The following PCTP variants were observed in gnomAD, a reference collection of about 807,000 sequenced individuals.
PCTP encodes the protein START domain-containing protein 2.
A neutral mutation model predicts 31.0 loss-of-function variants in PCTP; 27 were observed. The ratio of observed to expected loss-of-function variants is 0.87; its 90% CI spans 0.64 to 1.20. The LOEUF (loss-of-function observed/expected upper bound fraction) is 1.20. PCTP is among the 50% of genes most tolerant of loss of function. PCTP has a pLI of 0.00. For missense variants in PCTP, 287 were observed against 268.2 expected (o/e 1.07, Z -0.49); for synonymous variants, 108 against 101.2 (o/e 1.07, Z -0.40).
At chr17:55,775,582 A>G in intron 5 of PCTP, 2 of 1,172,210 alleles carry the variant, frequency 1.7e-6, no homozygotes, top group Non-Finnish European at 2.1e-6. Context: ...AGGGGGAGTA[A>G]ATAAGACAAT....
At chr17:55,774,704 T>C (rs2144970419) in intron 4 of PCTP, 88 bp from the exon 5 acceptor site, 1 of 1,070,616 alleles carries the variant, frequency 9.3e-7, no homozygotes. Context: ...TGAGCTTGAA[T>C]ATGAAGATAT....
intron 3 of PCTP, among the ~76,000 whole-genome samples, chr17:55,795,039 C>T (rs902874887): frequency 1.3e-5 from 2 of 151,966 alleles, no homozygotes; most frequent in Admixed American, 1.3e-4. Flanking sequence ...GAATTCTACC[C>T]AATTCCACAC....
chr17:55,830,100 G>A (rs2145077611), intron 5 of PCTP, among the ~76,000 whole-genome samples: 1 of 152,262 alleles, frequency 6.6e-6, no homozygotes, highest in South Asian at 2.1e-4. Flanking sequence ...TGTACAATAT[G>A]AACCCCCTGG....
chr17:55,769,204 C>T (rs1910849362), intron 2 of PCTP: 1 of 152,234 alleles, frequency 6.6e-6, no homozygotes, highest in Non-Finnish European at 1.5e-5. Flanking sequence ...GAGAATTCTA[C>T]TTTTCTAGGG....
chr17:55,841,101 CAG>C (rs1318350248), intron 5 of PCTP, among the ~76,000 whole-genome samples: 1 of 152,108 alleles, frequency 6.6e-6, no homozygotes, highest in Non-Finnish European at 1.5e-5. Flanking sequence ...TTGCAAGAGA[CAG>C]AGACAGAAAC....
intron 5 of PCTP, among the ~76,000 whole-genome samples, chr17:55,829,589 C>T (rs1490662578): frequency 6.6e-6 from 1 of 152,068 alleles, no homozygotes. Context: ...GGATTATAAG[C>T]TTGAGCCACT....
At chr17:55,827,834 G>GAGTC (rs1905453768), downstream of PCTP, among the ~76,000 whole-genome samples, 2 of 150,688 alleles carry the variant, frequency 1.3e-5, no homozygotes, top group Non-Finnish European at 1.5e-5. Flanking sequence ...AAATCGGTGG[G>GAGTC]AGTCAGAGAG....
chr17:55,804,818 A>G (rs987777528), intron 3 of PCTP, among the ~76,000 whole-genome samples: 1 of 152,292 alleles, frequency 6.6e-6, no homozygotes, highest in Middle Eastern at 3.4e-3. Flanking sequence ...CTTATGTAAC[A>G]TACCACACGT....
intron 3 of PCTP, among the ~76,000 whole-genome samples, chr17:55,805,480 T>C (rs763499221): frequency 3.2e-4 from 49 of 152,088 alleles, no homozygotes; most frequent in Admixed American, 3.9e-4. Flanking sequence ...TCTGAGTTAG[T>C]TCATGTAGGA....
intron 3 of PCTP, among the ~76,000 whole-genome samples, chr17:55,792,652 T>C (rs1284558951): frequency 6.6e-6 from 1 of 152,066 alleles, no homozygotes; most frequent in Non-Finnish European, 1.5e-5. Flanking sequence ...GAGTTAATTA[T>C]CCCTGGGCCT....
chr17:55,753,687 C>G (rs1027527908), intron 1 of PCTP, among the ~76,000 whole-genome samples: 1 of 152,196 alleles, frequency 6.6e-6, no homozygotes, highest in Non-Finnish European at 1.5e-5. Flanking sequence ...TTCCATCATT[C>G]TCTCCCATTA....
intron 5 of PCTP, among the ~76,000 whole-genome samples, chr17:55,831,944 T>C (rs1444007276): frequency 6.6e-6 from 1 of 152,002 alleles, no homozygotes; most frequent in Non-Finnish European, 1.5e-5. Flanking sequence ...GGCGTGGTGG[T>C]GGGCACCTGT....
chr17:55,808,479 C>T (rs1912645254), intron 3 of PCTP, among the ~76,000 whole-genome samples: 1 of 152,210 alleles, frequency 6.6e-6, no homozygotes. Context: ...CTAGAAAAGT[C>T]TGGCAAATAA....
At chr17:55,849,599 G>T in the PCTP span, among the ~76,000 whole-genome samples, 1 of 152,010 alleles carries the variant, frequency 6.6e-6, no homozygotes. Context: ...CTCCAGCCTG[G>T]GCAACAAGAG....
chr17:55,841,861 C>A (rs894976916), intron 5 of PCTP, among the ~76,000 whole-genome samples: 1 of 152,100 alleles, frequency 6.6e-6, no homozygotes, highest in Non-Finnish European at 1.5e-5. Flanking sequence ...CTCCTTATAC[C>A]TTTTCCTATA....
intron 5 of PCTP, chr17:55,775,340 C>T (rs1911270307): frequency 8.1e-7 from 1 of 1,232,286 alleles, no homozygotes; most frequent in Non-Finnish European, 1.0e-6. Context: ...GTTTGTATCA[C>T]TAGAGACTGC....
downstream of PCTP, among the ~76,000 whole-genome samples, chr17:55,779,442 G>A (rs1006456325): frequency 2.0e-5 from 3 of 152,178 alleles, no homozygotes; most frequent in Non-Finnish European, 2.9e-5. Flanking sequence ...AAACCTCTAA[G>A]GAGGAAGGAC....
At chr17:55,789,749 T>C (rs1911886961) in intron 3 of PCTP, among the ~76,000 whole-genome samples, 4 of 152,156 alleles carry the variant, frequency 2.6e-5, no homozygotes, top group Admixed American at 2.6e-4. Flanking sequence ...TACCATTCCT[T>C]CTGAAACTGT....
intron 5 of PCTP, among the ~76,000 whole-genome samples, chr17:55,840,366 G>T (rs1480616891): frequency 6.6e-6 from 1 of 152,240 alleles, no homozygotes; most frequent in Non-Finnish European, 1.5e-5. Flanking sequence ...ACTTGAAAAA[G>T]AAAAATAAAG....
Sources: gnomAD v4.1 joint callset for allele counts (sites outside exome capture counted in the v4.1 genomes callset) on GRCh38, gnomAD v4.1.1 for gene constraint, MANE v1.5 for transcripts, NCBI Gene and HGNC (gene_info 2026-07-23, HGNC 2026-07-21) for gene names.